Variants in PFKFB3 observed in about 807,000 individuals in gnomAD.
PFKFB3 encodes the protein 6-phosphofructo-2-kinase/fructose-2,6-biphosphatase 3.
PFKFB3 carries 33 observed loss-of-function variants against 68.0 expected under a neutral mutation model. That is an observed-to-expected ratio of 0.49 (90% CI 0.37 to 0.65). PFKFB3 has a LOEUF of 0.65. Among genes scored for constraint, PFKFB3 ranks in the 30% least tolerant of loss-of-function variants. The pLI is 0.00. For missense variants in PFKFB3, 586 were observed against 712.2 expected (o/e 0.82, Z 2.02); for synonymous variants, 315 against 288.2 (o/e 1.09, Z -0.94).
chr10:6,207,313 T>G (rs1348287574), intron 1 of PFKFB3, among the ~76,000 whole-genome samples: 1 of 152,198 alleles, frequency 6.6e-6, no homozygotes, highest in Non-Finnish European at 1.5e-5. Flanking sequence ...CGGCGCCTCC[T>G]GCAATCGCAG....
chr10:6,320,461 C>CT, the PFKFB3 span, among the ~76,000 whole-genome samples: 833 of 145,462 alleles, frequency 5.7e-3, 5 homozygotes, highest in East Asian at 0.029. Flanking sequence ...TCTTCTTCTT[C>CT]TTTTTTTTTT....
intron 1 of PFKFB3, chr10:6,163,771 A>C (rs1842036797): frequency 1.3e-5 from 2 of 151,244 alleles, no homozygotes; most frequent in Admixed American, 6.6e-5. Context: ...GTCAGCGCGC[A>C]CCCCGCCCTT....
chr10:6,203,594 G>A (rs767636836), intron 1 of PFKFB3, among the ~76,000 whole-genome samples: 1 of 151,668 alleles, frequency 6.6e-6, no homozygotes, highest in African/African-American at 2.4e-5. Flanking sequence ...ACGGAGGGAC[G>A]CGCGCGCCTG....
chr10:6,253,253 C>T (rs993936489), intron 14 of PFKFB3, among the ~76,000 whole-genome samples: 1 of 152,160 alleles, frequency 6.6e-6, no homozygotes, highest in African/African-American at 2.4e-5. Context: ...ACATTTACAT[C>T]GATTGCCCTT....
Position 6,220,836 on chromosome 10 carries a change from G to C in PFKFB3, c.802G>C (p.Asp268His). ...CAACCTCCAGGGCCGCATCGGGGGC[G>C]ACTCAGGCCTGTCCAGCCGGGGCAA... Reference protein sequence around the residue: ...EHNLQGRIGGDSGLSSRGKKF... With the variant: ...EHNLQGRIGGHSGLSSRGKKF... The change falls in exon 8 of 15, where the codon GAC becomes CAC. Residue 268 changes from aspartate (D) to histidine (H), a missense_variant. By Grantham distance (81) the Asp-to-His change is moderately conservative (BLOSUM62 -1). Coordinates refer to ENST00000379775, the MANE Select transcript of PFKFB3 (RefSeq NM_004566.4). The surrounding 1 kb of genome is among the most constrained non-coding windows in gnomAD (Gnocchi z 4.1). 1 of 1,612,824 alleles carries C rather than the reference G, an allele frequency of 6.2e-7. No homozygotes were observed. The highest frequency in any genetic ancestry group is 8.5e-7 in the Non-Finnish European group (1 of 1,180,016).
At chr10:6,226,590 G>A in intron 14 of PFKFB3, 1 of 554,696 alleles carries the variant, frequency 1.8e-6, no homozygotes, top group Non-Finnish European at 3.2e-6. Context: ...AAGATCCTGG[G>A]GGCTTTCCTT....
At chr10:6,196,473 A>G (rs1279162872) in intron 1 of PFKFB3, among the ~76,000 whole-genome samples, 1 of 152,230 alleles carries the variant, frequency 6.6e-6, no homozygotes, top group African/African-American at 2.4e-5. Flanking sequence ...AAGCCAGTCC[A>G]GGTCCCAAAA....
chr10:6,287,646 C>T, the PFKFB3 span, among the ~76,000 whole-genome samples: 1 of 152,140 alleles, frequency 6.6e-6, no homozygotes, highest in South Asian at 2.1e-4. Flanking sequence ...TCTCAGAATA[C>T]GTCCCTGCCA....
chr10:6,264,870 A>T, the PFKFB3 span, among the ~76,000 whole-genome samples: 1 of 152,128 alleles, frequency 6.6e-6, no homozygotes, highest in Non-Finnish European at 1.5e-5. Context: ...TCTCTCATAT[A>T]ACCATGGTAT....
chr10:6,185,154 T>C (rs1842835244), intron 1 of PFKFB3, among the ~76,000 whole-genome samples: 1 of 152,350 alleles, frequency 6.6e-6, no homozygotes, highest in East Asian at 1.9e-4. Flanking sequence ...CACGAGGGCC[T>C]CTGTGGCCTT....
intron 1 of PFKFB3, among the ~76,000 whole-genome samples, chr10:6,206,780 G>A (rs1189159427): frequency 1.6e-5 from 2 of 126,082 alleles, no homozygotes; most frequent in Non-Finnish European, 3.3e-5. Context: ...CCAGGCAGAG[G>A]GGGTCCTCAC....
chr10:6,283,797 G>A, the PFKFB3 span, among the ~76,000 whole-genome samples: 1 of 152,194 alleles, frequency 6.6e-6, no homozygotes, highest in African/African-American at 2.4e-5. Context: ...AGACTGAGCA[G>A]TGGGGACTGA....
chr10:6,191,122 T>C (rs762742229), intron 1 of PFKFB3, among the ~76,000 whole-genome samples: 4 of 152,140 alleles, frequency 2.6e-5, no homozygotes, highest in Non-Finnish European at 4.4e-5. Context: ...TGGGTATACA[T>C]GACATACGAA....
At chr10:6,252,744 A>G (rs922275467) in intron 14 of PFKFB3, among the ~76,000 whole-genome samples, 13 of 152,166 alleles carry the variant, frequency 8.5e-5, no homozygotes, top group African/African-American at 3.1e-4. Context: ...ATATTGTTGT[A>G]TCGTATAATT....
intron 1 of PFKFB3, among the ~76,000 whole-genome samples, chr10:6,155,770 C>T (rs1031897211): frequency 2.0e-5 from 3 of 152,164 alleles, no homozygotes; most frequent in Non-Finnish European, 2.9e-5. Context: ...CTCCAGCTAA[C>T]CCTCGTGCCA....
At chr10:6,256,804 G>A (rs1287765693), downstream of PFKFB3, among the ~76,000 whole-genome samples, 1 of 152,220 alleles carries the variant, frequency 6.6e-6, no homozygotes, top group Non-Finnish European at 1.5e-5. Flanking sequence ...GGAAGAAAGG[G>A]TTCAGATCAT....
chr10:6,146,971 C>T (rs1448937441), intron 1 of PFKFB3, among the ~76,000 whole-genome samples: 4 of 152,252 alleles, frequency 2.6e-5, no homozygotes, highest in Admixed American at 6.5e-5. Context: ...TAAGTGCTGT[C>T]TGCGTTTCCC....
chr10:6,212,123 C>T (rs558454179), intron 1 of PFKFB3, among the ~76,000 whole-genome samples: 2 of 152,358 alleles, frequency 1.3e-5, no homozygotes, highest in African/African-American at 2.4e-5. Flanking sequence ...GCCATGTGGG[C>T]TGTGTCTGGG....
intron 1 of PFKFB3, among the ~76,000 whole-genome samples, chr10:6,197,282 G>A (rs930171311): frequency 6.6e-6 from 1 of 152,160 alleles, no homozygotes; most frequent in Non-Finnish European, 1.5e-5. Context: ...TGGCCTTACA[G>A]TACATTTTCT....
Sources: gnomAD v4.1 joint callset for allele counts (sites outside exome capture counted in the v4.1 genomes callset) on GRCh38, gnomAD v4.1.1 for gene constraint, Gnocchi (gnomAD v3.1) non-coding constraint, MANE v1.5 for transcripts, NCBI Gene and HGNC (gene_info 2026-07-23, HGNC 2026-07-21) for gene names.